The following CIMAP1A variants were observed in gnomAD, a reference collection of about 807,000 sequenced individuals.
The protein encoded by CIMAP1A is cancer/testis antigen 135.
At chr11:197,557 A>G in the CIMAP1A span, 1,469,709 of 1,612,370 alleles carry the variant, frequency 0.91, 674,388 homozygotes, top group East Asian at 0.99. Flanking sequence ...CATTGCGTCC[A>G]CAGGCTTCAT....
the CIMAP1A span, chr11:198,182 C>T: frequency 1.2e-6 from 2 of 1,611,312 alleles, no homozygotes; most frequent in Admixed American, 1.7e-5. Flanking sequence ...CAGCAGCCCC[C>T]TTGGCTCCTT....
the CIMAP1A span, chr11:200,062 C>A: frequency 6.2e-7 from 1 of 1,609,854 alleles, no homozygotes; most frequent in Non-Finnish European, 8.5e-7. Context: ...CCATCACACC[C>A]GGCATCTACA....
At chr11:197,871 T>G in the CIMAP1A span, 4 of 1,496,316 alleles carry the variant, frequency 2.7e-6, no homozygotes, top group South Asian at 3.9e-5. Flanking sequence ...TCAGCCATCC[T>G]GGCCCCTCCC....
At chr11:197,955 G>C in the CIMAP1A span, 2 of 1,521,944 alleles carry the variant, frequency 1.3e-6, no homozygotes, top group Non-Finnish European at 1.8e-6. Flanking sequence ...GTCCAGCTCC[G>C]ACCTGGACCT....
chr11:198,870 G>C, the CIMAP1A span: 7 of 1,305,768 alleles, frequency 5.4e-6, no homozygotes, highest in South Asian at 1.2e-4. Flanking sequence ...TCTTAGATAG[G>C]GTAGCATGGA....
At chr11:199,255 C>T in the CIMAP1A span, 41 of 1,491,826 alleles carry the variant, frequency 2.7e-5, 1 homozygote, top group Admixed American at 3.2e-4. Context: ...CCTTGATGCA[C>T]GGGCACCAAC....
chr11:197,428 G>A, the CIMAP1A span: 1 of 1,598,216 alleles, frequency 6.3e-7, no homozygotes, highest in South Asian at 1.1e-5. Flanking sequence ...GAGCCTGAGA[G>A]ACTGTGGGAG....
chr11:199,413 C>G, the CIMAP1A span: 1 of 1,574,892 alleles, frequency 6.3e-7, no homozygotes, highest in African/African-American at 1.3e-5. Flanking sequence ...TGCGGGTGAC[C>G]AAGTTCAAGG....
the CIMAP1A span, chr11:197,180 C>T: frequency 3.1e-6 from 2 of 635,730 alleles, no homozygotes; most frequent in African/African-American, 1.8e-5. Flanking sequence ...GATGCTGCAG[C>T]AGGTTCCGCA....
the CIMAP1A span, chr11:198,195 C>A: frequency 6.2e-7 from 1 of 1,613,282 alleles, no homozygotes; most frequent in Non-Finnish European, 8.5e-7. Context: ...GGCTCCTTGT[C>A]CAGGTGACTA....
At chr11:198,029 C>A in the CIMAP1A span, 1 of 1,539,456 alleles carries the variant, frequency 6.5e-7, no homozygotes, top group Non-Finnish European at 8.7e-7. Flanking sequence ...GTCTCACCAG[C>A]CCTGAAGTCA....
the CIMAP1A span, chr11:199,402 G>A: frequency 6.5e-4 from 1,031 of 1,575,638 alleles, 6 homozygotes; most frequent in African/African-American, 0.012. Flanking sequence ...CCAAACTGAT[G>A]TGCGGGTGAC....
At chr11:199,928 G>A in the CIMAP1A span, 4 of 1,613,580 alleles carry the variant, frequency 2.5e-6, no homozygotes, top group Non-Finnish European at 3.4e-6. Flanking sequence ...TCCTATCATA[G>A]CCCCTCCTCT....
the CIMAP1A span, chr11:200,115 C>A: frequency 1.4e-6 from 2 of 1,469,566 alleles, no homozygotes; most frequent in Non-Finnish European, 1.9e-6. Flanking sequence ...TCTTCACCAG[C>A]TGGGCTGGGC....
At chr11:198,385 A>C in the CIMAP1A span, 1 of 1,613,168 alleles carries the variant, frequency 6.2e-7, no homozygotes, top group South Asian at 1.1e-5. Context: ...CCGACGGCTG[A>C]TCTCCAGAGT....
At chr11:199,226 G>A in the CIMAP1A span, 1 of 1,470,424 alleles carries the variant, frequency 6.8e-7, no homozygotes, top group African/African-American at 1.4e-5. Context: ...TCCACAGTGT[G>A]ACAGAAGACA....
the CIMAP1A span, chr11:199,720 C>G: frequency 6.3e-6 from 9 of 1,435,554 alleles, no homozygotes; most frequent in Non-Finnish European, 5.5e-6. Flanking sequence ...CAGCACTAGG[C>G]CCACAGGTAA....
At chr11:198,280 T>G in the CIMAP1A span, 1 of 1,614,020 alleles carries the variant, frequency 6.2e-7, no homozygotes, top group Non-Finnish European at 8.5e-7. Flanking sequence ...ACAAAGGCAT[T>G]CCGAGTGGAC....
the CIMAP1A span, chr11:198,489 G>T: frequency 6.2e-7 from 1 of 1,613,182 alleles, no homozygotes; most frequent in Admixed American, 1.7e-5. Context: ...TGCTGCCCAT[G>T]GTAATGGGGC....
Sources: allele counts gnomAD v4.1 joint callset, GRCh38; gene constraint gnomAD v4.1.1; transcripts MANE v1.5; gene names NCBI Gene and HGNC (gene_info 2026-07-23, HGNC 2026-07-21).